The following OTOGL variants were observed in gnomAD, a reference collection of about 807,000 sequenced individuals.
OTOGL encodes the protein otogelin-like protein.
A neutral mutation model predicts 318.5 loss-of-function variants in OTOGL; 285 were observed. That is an observed-to-expected ratio of 0.89 (90% CI 0.81 to 0.99). The LOEUF is 0.99. Among genes scored for constraint, OTOGL ranks in the 50% least tolerant of loss-of-function variants. The pLI is 0.00. For missense variants in OTOGL, 2,899 were observed against 2,845.6 expected, an observed-to-expected ratio of 1.02 and a Z score of -0.43; for synonymous variants, 987 against 936.5, an observed-to-expected ratio of 1.05 and a Z score of -0.99.
intron 37 of OTOGL, among the ~76,000 whole-genome samples, chr12:80,329,410 T>G (rs1423712439): frequency 6.6e-6 from 1 of 152,220 alleles, no homozygotes. Flanking sequence ...GCTTCTGCAT[T>G]TGGTCCACCT....
intron 23 of OTOGL, among the ~76,000 whole-genome samples, chr12:80,271,373 T>C (rs1479867841): frequency 6.6e-6 from 1 of 152,122 alleles, no homozygotes; most frequent in Non-Finnish European, 1.5e-5. Flanking sequence ...CGTGTGTTCA[T>C]TGTAGCTTTG....
intron 31 of OTOGL, among the ~76,000 whole-genome samples, chr12:80,314,055 C>T (rs974982193): frequency 6.6e-6 from 1 of 152,070 alleles, no homozygotes; most frequent in African/African-American, 2.4e-5. Context: ...AACAAACTTA[C>T]AATTTGAACA....
chr12:80,166,956 A>C (rs1018269468), intron 1 of OTOGL, among the ~76,000 whole-genome samples: 1 of 152,212 alleles, frequency 6.6e-6, no homozygotes, highest in Non-Finnish European at 1.5e-5. Flanking sequence ...AAGTCATCAT[A>C]TTTAAGTAAG....
At chr12:80,342,828 T>C (rs564111675) in intron 44 of OTOGL, among the ~76,000 whole-genome samples, 4 of 152,252 alleles carry the variant, frequency 2.6e-5, no homozygotes, top group Non-Finnish European at 1.5e-5. Context: ...GTGTACATTA[T>C]AGAGGTACAC....
chr12:80,372,031 G>C lies in OTOGL; in HGVS notation c.6748G>C (p.Val2250Leu), dbSNP rs77741668. Residue 2250 changes from valine to leucine, a missense_variant, in exon 57 of 59, where the codon GTG becomes CTG. This residue lies in a region of OTOGL where 289 missense variants were observed against 304.6 expected (regional missense o/e 0.95). Transcript: ENST00000547103. The part of the protein sequence containing the change: ...ETECKMNEGI[V>L]KLYNEGCCKI... ...TTTCTCTTTCTAGAATGAAGGGATT[G>C]TGAAGCTTTATAATGAAGGCTGTTG... The C allele has an allele frequency of 3.2e-6, 5 of 1,554,928 alleles. No homozygotes were observed. The highest frequency in any genetic ancestry group is 3.5e-6 in the Non-Finnish European group (4 of 1,147,880).
Position 80,305,666 on chromosome 12 carries a change from G to T in OTOGL, c.3304G>T (p.Val1102Leu), listed in dbSNP as rs569348622. 1 of 1,573,502 alleles carries T rather than the reference G, an allele frequency of 6.4e-7. No homozygotes were observed. Among genetic ancestry groups the T allele is most frequent in the Admixed American group, 1.8e-5 (1 of 54,318 alleles). The change falls in exon 29 of 59, where the codon GTA becomes TTA. Residue 1102 changes from valine (V) to leucine (L), a missense_variant. Val to Leu is a conservative substitution (Grantham distance 32). Around this residue, in one of 3 missense-constraint regions of OTOGL, gnomAD observed 2,607 missense variants for 2,524.9 expected, o/e 1.03. Coordinates refer to ENST00000547103, the MANE Select transcript of OTOGL (RefSeq NM_001378609.3). ...SNNLEVRNAR[V>L]FGDSWALGQC... ...TAACTTGGAAGTGAGAAATGCTCGG[G>T]TATTTGGAGATAGTTGGGCATTAGG...
intron 1 of OTOGL, among the ~76,000 whole-genome samples, chr12:80,161,001 TG>T (rs776336822): frequency 7.5e-4 from 114 of 152,228 alleles, no homozygotes; most frequent in Non-Finnish European, 1.4e-3. Context: ...AAACATTGTG[TG>T]CTCTTATTCA....
At chr12:80,237,283 A>G (rs1183589848) in intron 9 of OTOGL, among the ~76,000 whole-genome samples, 2 of 152,224 alleles carry the variant, frequency 1.3e-5, no homozygotes, top group African/African-American at 2.4e-5. Flanking sequence ...TTCATATAGT[A>G]TGTATTGTAA....
chr12:80,181,469 T>C (rs895094784), intron 1 of OTOGL, among the ~76,000 whole-genome samples: 1 of 152,070 alleles, frequency 6.6e-6, no homozygotes, highest in Non-Finnish European at 1.5e-5. Context: ...TTTCTTCCCC[T>C]AGGGAGTCTC....
At chr12:80,355,588 T>G in intron 46 of OTOGL, 148 bp from the exon 47 acceptor site, 1 of 622,156 alleles carries the variant, frequency 1.6e-6, no homozygotes, top group African/African-American at 1.9e-5. Context: ...AAGTTAGTGG[T>G]GATGAAAGAG....
At chr12:80,310,555 T>C in intron 29 of OTOGL, 56 bp from the exon 30 acceptor site, 1 of 1,231,212 alleles carries the variant, frequency 8.1e-7, no homozygotes, top group Non-Finnish European at 1.2e-6. Context: ...TAGGTTACTC[T>C]GTTTGAGAAA....
Position 80,209,470 on chromosome 12 carries a change from G to A in OTOGL, c.39G>A (p.Trp13Ter), listed in dbSNP as rs1191512072. 1.3e-5 allele frequency: 19 copies of A among 1,514,672 alleles called. No homozygotes were observed. The highest frequency in any genetic ancestry group is 1.6e-5 in the Non-Finnish European group (18 of 1,132,096). 93.8% of individuals were successfully genotyped at this position (1,514,672 alleles called of 1,614,324 possible). A position where few individuals can be genotyped will look rare whatever the true frequency, so the allele number is the denominator to read the frequency against. Residue 13 changes from tryptophan to a stop codon, truncating the protein, a stop_gained, in exon 2 of 59, where the codon TGG (tryptophan) becomes TGA (stop). Coordinates refer to ENST00000547103, the MANE Select transcript of OTOGL (RefSeq NM_001378609.3). LOFTEE classifies it high-confidence loss of function. ...GAAAACTCAATTTAATGATACCTTG[G>A]AGTATATTCTTGCTTCATGTACTGC... ...IVRKLNLMIPWSIFLLHVLLF... is the reference protein window; with the variant it reads ...IVRKLNLMIP
At chr12:80,109,854 A>G (rs1869719411) in intron 1 of OTOGL, among the ~76,000 whole-genome samples, 1 of 152,152 alleles carries the variant, frequency 6.6e-6, no homozygotes, top group Admixed American at 6.5e-5. Flanking sequence ...AACAAAATAT[A>G]AAATTTTTTT....
At position 80,178,148 on chromosome 12, in the gene OTOGL, C is replaced by T. The variant is rs1040619903; in HGVS notation, c.-19-31265C>T. Among the ~76,000 whole-genome samples, 9 of 143,742 alleles carry T rather than the reference C, an allele frequency of 6.3e-5. No homozygotes were observed. In the East Asian group the frequency reaches 1.7e-3, roughly 27 times the overall value. 94.3% of individuals were successfully genotyped at this position (143,742 alleles called of 152,430 possible). ...TGATCTCGGCTCGCTGCAGCCTCTG[C>T]CTCCTGGGTTCAAGTGATTCTCCTG... On this transcript the variant is annotated intron_variant, in intron 1 of 58. Coordinates refer to ENST00000547103, the MANE Select transcript of OTOGL (RefSeq NM_001378609.3).
chr12:80,367,648 A>G lies in OTOGL; in HGVS notation c.6419A>G (p.Tyr2140Cys), dbSNP rs1395530383. The G allele has an allele frequency of 6.5e-7, 1 of 1,528,402 alleles. No homozygotes were observed. Among genetic ancestry groups the G allele is most frequent in the Non-Finnish European group, 8.9e-7 (1 of 1,127,840 alleles). 94.7% of individuals were successfully genotyped at this position (1,528,402 alleles called of 1,614,324 possible). The change falls in exon 54 of 59, where the codon TAT becomes TGT. Residue 2140 changes from tyrosine (Y) to cysteine (C), a missense_variant. By Grantham distance (194) the Tyr-to-Cys change is radical. Around this residue, in one of 3 missense-constraint regions of OTOGL, gnomAD observed 289 missense variants for 304.6 expected, o/e 0.95. Coordinates refer to ENST00000547103, the MANE Select transcript of OTOGL (RefSeq NM_001378609.3). ...AAGTATTTGGAAGAAGACTTTTGTT[A>G]TGCTATAGAGTGTCTGGAAGAAAAA... Reference protein sequence around the residue: ...MIKYLEEDFCYAIECLEEKDN... With the variant: ...MIKYLEEDFCCAIECLEEKDN...
intron 33 of OTOGL, among the ~76,000 whole-genome samples, chr12:80,319,464 A>T (rs529370675): frequency 1.3e-5 from 2 of 152,182 alleles, no homozygotes; most frequent in African/African-American, 4.8e-5. Context: ...AATAAATTAT[A>T]TATTTCCTGT....
chr12:80,103,353 G>A, intron 1 of OTOGL: 1 of 1,218,802 alleles, frequency 8.2e-7, no homozygotes, highest in Non-Finnish European at 1.2e-6. Context: ...TCCCGCTTCG[G>A]TGATCGATCT....
At chr12:80,281,574 A>G (rs2137635547) in intron 26 of OTOGL, among the ~76,000 whole-genome samples, 1 of 151,970 alleles carries the variant, frequency 6.6e-6, no homozygotes, top group South Asian at 2.1e-4. Flanking sequence ...TAGCTTTTTG[A>G]TGTGCTGCTA....
At chr12:80,364,255 G>C (rs1348071921) in intron 52 of OTOGL, among the ~76,000 whole-genome samples, 2 of 152,004 alleles carry the variant, frequency 1.3e-5, no homozygotes, top group East Asian at 3.9e-4. Context: ...CTGACTCATT[G>C]TTCCTGAGTA....
Sources: allele counts gnomAD v4.1 joint callset (sites outside exome capture counted in the v4.1 genomes callset), GRCh38; gene constraint gnomAD v4.1.1; regional missense constraint gnomAD v4.1.1; transcripts MANE v1.5; gene names NCBI Gene and HGNC (gene_info 2026-07-23, HGNC 2026-07-21).